POU1F1: variants seen among roughly 807,000 people sequenced by gnomAD.
The protein encoded by POU1F1 is POU class 1 homeobox 1.
Under a neutral mutation model 32.3 loss-of-function variants are expected in POU1F1, and 23 were observed. The observed-to-expected ratio is 0.71, with a 90% confidence interval of 0.51 to 1.01. The LOEUF is 1.01. Among genes scored for constraint, POU1F1 ranks in the 50% least tolerant of loss-of-function variants. The pLI, the probability that POU1F1 is intolerant of heterozygous loss-of-function variation, is 0.00. For missense variants in POU1F1, 323 were observed against 341.6 expected (o/e 0.95, Z 0.43); for synonymous variants, 120 against 115.6 (o/e 1.04, Z -0.25).
intron 2 of POU1F1, among the ~76,000 whole-genome samples, chr3:87,272,582 C>G (rs994485169): frequency 6.6e-6 from 1 of 152,146 alleles, no homozygotes; most frequent in African/African-American, 2.4e-5. Context: ...GCCAGATCTA[C>G]GCATTCCTCA....
rs199977557 is a variant in POU1F1, at chr3:87,272,079, GT to G, written c.214+1267del. Among the ~76,000 whole-genome samples, 826 of 144,252 alleles carry G rather than the reference GT, an allele frequency of 5.7e-3. 12 individuals carry two copies. The highest frequency in any genetic ancestry group is 0.038 in the East Asian group (191 of 5,012). The allele number at this position is 144,252 out of a possible 152,430, so 94.6% of individuals were successfully genotyped here. A position where few individuals can be genotyped will look rare whatever the true frequency, so the allele number is the denominator to read the frequency against. On this transcript the variant is annotated intron_variant, in intron 2 of 5. Transcript: ENST00000350375. ...AGGAATAAATCAATATTTGTCTGCG[GT>G]TTTTTTTTTTTACTGCTTATCTGTA... is the stretch of plus-strand genomic sequence containing the variant.
intron 2 of POU1F1, among the ~76,000 whole-genome samples, chr3:87,265,452 A>G (rs867687509): frequency 6.6e-6 from 1 of 152,162 alleles, no homozygotes; most frequent in Middle Eastern, 3.4e-3. Flanking sequence ...GTTGGGAAGT[A>G]TAGGTGAGAG....
chr3:87,275,903 T>C (rs1281963897), intron 1 of POU1F1, among the ~76,000 whole-genome samples: 1 of 152,156 alleles, frequency 6.6e-6, no homozygotes, highest in Non-Finnish European at 1.5e-5. Flanking sequence ...TAGCTGTTTT[T>C]AGATAGTAAA....
At chr3:87,272,545 A>G (rs1706747177) in intron 2 of POU1F1, among the ~76,000 whole-genome samples, 1 of 152,206 alleles carries the variant, frequency 6.6e-6, no homozygotes, top group African/African-American at 2.4e-5. Flanking sequence ...AAATTAAACA[A>G]GAATTTTTGA....
At chr3:87,276,190 T>G (rs983223172) in intron 1 of POU1F1, 131 bp downstream of exon 1, 21 of 1,194,972 alleles carry the variant, frequency 1.8e-5, no homozygotes, top group Non-Finnish European at 2.4e-5. Context: ...TAATGCTTAC[T>G]TCACTTAAGA....
At chr3:87,264,083 T>C (rs115864124) in intron 3 of POU1F1, among the ~76,000 whole-genome samples, 1,644 of 152,226 alleles carry the variant, frequency 0.011, 26 homozygotes, top group African/African-American at 0.038. Flanking sequence ...AGAGTATTAT[T>C]AATTTAAAAA....
rs1374670362 is a variant in POU1F1, at chr3:87,260,114, G to T, written c.666-10C>A. ...ATCTTTAGCAGCAATGCTGGCGGGG[G>T]GTGGACATAGGGGGTGAAATTTTGT... On this transcript the variant is annotated splice_polypyrimidine_tract_variant and intron_variant, in intron 5 of 5. Transcript: ENST00000350375. 6 of 1,609,302 alleles carry T rather than the reference G, an allele frequency of 3.7e-6. No homozygotes were observed. Among genetic ancestry groups the T allele is most frequent in the Non-Finnish European group, 5.1e-6 (6 of 1,177,154 alleles).
Position 87,264,473 on chromosome 3 carries a change from G to A in POU1F1, c.254C>T (p.Thr85Ile), listed in dbSNP as rs902875263. 6.2e-7 allele frequency: 1 copy of A among 1,612,646 alleles called. No homozygotes were observed. The highest frequency in any genetic ancestry group is 8.5e-7 in the Non-Finnish European group (1 of 1,178,750). ...TATAGGAGGAAATCCATGACTCAAGGTGTGGTCAGGAAATTTATAAAGACA... is the reference window on the plus strand; with the variant it reads ...TATAGGAGGAAATCCATGACTCAAGATGTGGTCAGGAAATTTATAAAGACA... ...TPCLYKFPDH[T>I]LSHGFPPIHQ... The change falls in exon 3 of 6, where the codon ACC (threonine) becomes ATC (isoleucine). Residue 85 changes from threonine (T) to isoleucine (I), a missense_variant. Thr to Ile is a moderately conservative substitution (Grantham distance 89, BLOSUM62 -1). Coordinates refer to ENST00000350375, the MANE Select transcript of POU1F1 (RefSeq NM_000306.4).
At chr3:87,265,912 T>C (rs1344483504) in intron 2 of POU1F1, among the ~76,000 whole-genome samples, 1 of 151,668 alleles carries the variant, frequency 6.6e-6, no homozygotes, top group Non-Finnish European at 1.5e-5. Context: ...GACATTTTTA[T>C]ATAAAAATAT....
chr3:87,263,786 A>G (rs141123555), intron 3 of POU1F1, among the ~76,000 whole-genome samples: 5 of 152,162 alleles, frequency 3.3e-5, no homozygotes, highest in African/African-American at 1.2e-4. Context: ...CAGCCCCACA[A>G]AGGAAAAGGA....
chr3:87,270,469 G>C (rs576897982), intron 2 of POU1F1, among the ~76,000 whole-genome samples: 1 of 152,072 alleles, frequency 6.6e-6, no homozygotes, highest in Admixed American at 6.6e-5. Context: ...CAAAATATTA[G>C]TTATAGCTCT....
In POU1F1 at chr3:87,268,119, G is replaced by A. The variant is rs1480305475; in HGVS notation, c.215-3607C>T. Among the ~76,000 whole-genome samples the A allele has an allele frequency of 6.8e-5, 8 of 117,800 alleles. No individual in the cohort carries two copies. The South Asian group carries it at 8.0e-4, about 12-fold the overall frequency. 77.3% of individuals were successfully genotyped at this position (117,800 alleles called of 152,430 possible). On this transcript the variant is annotated intron_variant, in intron 2 of 5. Coordinates refer to ENST00000350375, the MANE Select transcript of POU1F1 (RefSeq NM_000306.4). Reference sequence around the variant, plus strand: ...TTTTTTTTTTTTGACACAGCGTCTCGCTCTTGTTCCCTAGGCTGGAGTGCT... The same window carrying A: ...TTTTTTTTTTTTGACACAGCGTCTCACTCTTGTTCCCTAGGCTGGAGTGCT...
Position 87,259,813 on chromosome 3 carries a change from T to G in POU1F1, c.*81A>C. On this transcript the variant is annotated 3_prime_UTR_variant, in exon 6 of 6. Coordinates refer to ENST00000350375, the MANE Select transcript of POU1F1 (RefSeq NM_000306.4). Reference sequence around the variant, plus strand: ...GCTATTGATATAAAATGATTTTAAGTCAACCAAGTAATTTCTGTTTTTGTT... The same window carrying G: ...GCTATTGATATAAAATGATTTTAAGGCAACCAAGTAATTTCTGTTTTTGTT... The G allele has an allele frequency of 1.6e-6, 2 of 1,214,484 alleles. No homozygotes were observed. The highest frequency in any genetic ancestry group is 2.4e-6 in the Non-Finnish European group (2 of 836,748). The allele number at this position is 1,214,484 out of a possible 1,614,324, so 75.2% of individuals were successfully genotyped here.
At chr3:87,264,778 GAAAC>G (rs1416853939) in intron 2 of POU1F1, among the ~76,000 whole-genome samples, 1 of 152,084 alleles carries the variant, frequency 6.6e-6, no homozygotes, top group African/African-American at 2.4e-5. Context: ...AACTAAAATA[GAAAC>G]AAACAACTTC....
chr3:87,276,251 T>C, intron 1 of POU1F1, 70 bp downstream of exon 1: 1 of 1,535,718 alleles, frequency 6.5e-7, no homozygotes, highest in South Asian at 1.1e-5. Flanking sequence ...TTATTAACTA[T>C]CAAGATTCAA....
chr3:87,267,542 A>G (rs1706642309), intron 2 of POU1F1, among the ~76,000 whole-genome samples: 1 of 152,212 alleles, frequency 6.6e-6, no homozygotes, highest in African/African-American at 2.4e-5. Context: ...CAAAAATATT[A>G]CAATAAAATA....
chr3:87,266,214 G>C (rs1377136325), intron 2 of POU1F1, among the ~76,000 whole-genome samples: 2 of 144,454 alleles, frequency 1.4e-5, no homozygotes, highest in East Asian at 3.9e-4. Flanking sequence ...TAAATATGTA[G>C]TTATTTATTT....
chr3:87,274,012 A>G (rs1340031119), intron 1 of POU1F1, among the ~76,000 whole-genome samples: 1 of 152,202 alleles, frequency 6.6e-6, no homozygotes, highest in Non-Finnish European at 1.5e-5. Flanking sequence ...CACTGCATTC[A>G]GAGTGCTATT....
chr3:87,272,724 A>C (rs1706749953), intron 2 of POU1F1, among the ~76,000 whole-genome samples: 1 of 152,188 alleles, frequency 6.6e-6, no homozygotes, highest in Non-Finnish European at 1.5e-5. Flanking sequence ...AGACTCACTC[A>C]GAAGCAATTC....
Sources: gnomAD v4.1 joint callset for allele counts (sites outside exome capture counted in the v4.1 genomes callset) on GRCh38, gnomAD v4.1.1 for gene constraint, MANE v1.5 for transcripts, NCBI Gene and HGNC (gene_info 2026-07-23, HGNC 2026-07-21) for gene names.